IPO7: variants seen among roughly 807,000 people sequenced by gnomAD.
The protein encoded by IPO7 is importin-7.
A neutral mutation model predicts 136.4 loss-of-function variants in IPO7; 13 were observed. The observed-to-expected ratio is 0.10, with a 90% CI of 0.06 to 0.15. The LOEUF is 0.15. Ranked by LOEUF, IPO7 falls within the 10% of genes least tolerant of loss-of-function variation. The pLI is 1.00. For missense variants in IPO7, 857 were observed against 1,240.6 expected (o/e 0.69, Z 4.65); for synonymous variants, 403 against 404.4 (o/e 1.00, Z 0.04).
chr11:9,438,013 G>A (rs200221461), intron 21 of IPO7, 39 bp downstream of exon 21: 1 of 1,576,778 alleles, frequency 6.3e-7, no homozygotes, highest in East Asian at 2.3e-5. Context: ...TTTGCTTTGG[G>A]AGGAACTCTG....
chr11:9,433,186 A>C, intron 16 of IPO7: 1 of 170,164 alleles, frequency 5.9e-6, no homozygotes, highest in South Asian at 1.4e-4. Flanking sequence ...GGGTTTCACC[A>C]TGCTGGCCAG....
chr11:9,405,512 T>G (rs1854870281), intron 2 of IPO7, among the ~76,000 whole-genome samples: 1 of 152,022 alleles, frequency 6.6e-6, no homozygotes, highest in African/African-American at 2.4e-5. Flanking sequence ...AAACTCTGCC[T>G]CCCAGGCTCA....
rs532104731 is a variant in IPO7 at position 9,433,654 on chromosome 11, G to A, written c.1948+18G>A. The A allele has an allele frequency of 6.2e-6, 10 of 1,612,618 alleles. No homozygotes were observed. In the East Asian group the frequency reaches 2.2e-4, roughly 36 times the overall value. On this transcript the variant is annotated intron_variant, in intron 17 of 24. Coordinates refer to ENST00000379719, the MANE Select transcript of IPO7 (RefSeq NM_006391.3). ...TGTCTTAGGTATTATACCTCTGATT[G>A]TGCTAAGAATTTAGTGCTATTTCAC...
chr11:9,414,579 G>C, intron 5 of IPO7, 168 bp downstream of exon 5: 1 of 209,760 alleles, frequency 4.8e-6, no homozygotes, highest in Non-Finnish European at 9.5e-6. Flanking sequence ...GTCTAAACAA[G>C]CATACTTCCT....
chr11:9,428,928 G>T, intron 13 of IPO7, 103 bp from the exon 14 acceptor site: 2 of 1,024,536 alleles, frequency 2.0e-6, no homozygotes, highest in South Asian at 2.5e-5. Context: ...ATCTACCACT[G>T]GCCAGCCTCC....
chr11:9,403,379 T>G lies in IPO7; in HGVS notation c.166+8T>G. 6.3e-7 allele frequency: 1 copy of G among 1,580,594 alleles called. No individual in the cohort carries two copies. Among genetic ancestry groups the G allele is most frequent in the Non-Finnish European group, 8.7e-7 (1 of 1,149,908 alleles). On this transcript the variant is annotated splice_region_variant and intron_variant, in intron 2 of 24. Transcript: ENST00000379719. Reference sequence around the variant, plus strand: ...TACCTGTGAGACAGGCAGGCAAGTTTCCTAAATTATATTGAGTGTATGTAA... The same window carrying G: ...TACCTGTGAGACAGGCAGGCAAGTTGCCTAAATTATATTGAGTGTATGTAA...
At chr11:9,425,370 G>A in intron 12 of IPO7, 108 bp downstream of exon 12, 1 of 701,564 alleles carries the variant, frequency 1.4e-6, no homozygotes, top group South Asian at 1.6e-5. Context: ...CTTTCGGGAT[G>A]CTGAGGCAGG....
intron 8 of IPO7, among the ~76,000 whole-genome samples, chr11:9,421,338 G>T (rs1026871792): frequency 1.3e-5 from 2 of 150,512 alleles, no homozygotes; most frequent in Admixed American, 6.6e-5. Flanking sequence ...TGAAATGAGG[G>T]ACTCGTTTTA....
intron 1 of IPO7, among the ~76,000 whole-genome samples, chr11:9,393,221 A>G (rs1256845280): frequency 6.6e-6 from 1 of 152,182 alleles, no homozygotes; most frequent in Non-Finnish European, 1.5e-5. Flanking sequence ...ATCCAAAGGT[A>G]TGGGATGGAC....
At chr11:9,417,366 A>G (rs1170681711) in intron 6 of IPO7, among the ~76,000 whole-genome samples, 1 of 152,046 alleles carries the variant, frequency 6.6e-6, no homozygotes, top group South Asian at 2.1e-4. Context: ...TTTTAAATAT[A>G]TTATTGGTTT....
chr11:9,393,878 T>G (rs189677853), intron 1 of IPO7, among the ~76,000 whole-genome samples: 2 of 152,204 alleles, frequency 1.3e-5, no homozygotes, highest in Non-Finnish European at 2.9e-5. Flanking sequence ...TTTCTAATTT[T>G]TTTCTTTTAA....
chr11:9,404,089 C>T (rs1854839495), intron 2 of IPO7, among the ~76,000 whole-genome samples: 1 of 152,102 alleles, frequency 6.6e-6, no homozygotes, highest in Non-Finnish European at 1.5e-5. Context: ...TACAAAGTAC[C>T]AATAATTTCA....
chr11:9,399,090 G>A (rs892741673), intron 1 of IPO7, among the ~76,000 whole-genome samples: 3 of 151,914 alleles, frequency 2.0e-5, no homozygotes, highest in African/African-American at 4.8e-5. Context: ...ATGATTGGGG[G>A]CACAAATAGT....
At chr11:9,413,372 T>TA (rs1360629872) in intron 4 of IPO7, among the ~76,000 whole-genome samples, 5 of 152,174 alleles carry the variant, frequency 3.3e-5, no homozygotes, top group Non-Finnish European at 7.3e-5. Context: ...GCTTTATACA[T>TA]ACCATTTCTG....
chr11:9,436,966 A>G (rs1440367747), intron 20 of IPO7, among the ~76,000 whole-genome samples: 1 of 127,920 alleles, frequency 7.8e-6, no homozygotes, highest in Non-Finnish European at 1.6e-5. Flanking sequence ...GCTCACTGCA[A>G]CCTCTGCCTC....
intron 1 of IPO7, among the ~76,000 whole-genome samples, chr11:9,396,148 C>T (rs558780539): frequency 6.6e-6 from 1 of 151,970 alleles, no homozygotes; most frequent in African/African-American, 2.4e-5. Flanking sequence ...ATAATCCCAG[C>T]ACTTTGGGAG....
intron 2 of IPO7, among the ~76,000 whole-genome samples, chr11:9,406,580 T>C (rs1405516653): frequency 6.6e-6 from 1 of 152,058 alleles, no homozygotes; most frequent in Non-Finnish European, 1.5e-5. Flanking sequence ...TTAAAAGTTA[T>C]ATACTTGGGG....
chr11:9,438,049 T>TG (rs1565004413), intron 21 of IPO7, 31 bp from the exon 22 acceptor site: 26 of 357,890 alleles, frequency 7.3e-5, no homozygotes, highest in South Asian at 2.8e-4. Flanking sequence ...AAAACAGTTT[T>TG]TTTTTTTTTT....
chr11:9,438,588 G>A (rs1855416196), intron 22 of IPO7, among the ~76,000 whole-genome samples: 1 of 151,908 alleles, frequency 6.6e-6, no homozygotes, highest in South Asian at 2.1e-4. Context: ...TTGCATCACT[G>A]CACTCCAGCC....
Sources: gnomAD v4.1 joint callset for allele counts (sites outside exome capture counted in the v4.1 genomes callset) on GRCh38, gnomAD v4.1.1 for gene constraint, MANE v1.5 for transcripts, NCBI Gene and HGNC (gene_info 2026-07-23, HGNC 2026-07-21) for gene names.